CYP2B6: variants seen among roughly 807,000 people sequenced by gnomAD.
CYP2B6 encodes cytochrome P450 family 2 subfamily B member 6.
CYP2B6 carries 35 observed loss-of-function variants against 43.4 expected under a neutral mutation model. That is an observed-to-expected ratio of 0.81 (90% CI 0.62 to 1.07). The LOEUF is 1.07. CYP2B6 is among the 50% of genes least tolerant of loss of function. The probability of loss-of-function intolerance (pLI) is 0.00; values close to 1 mark genes in which losing one functional copy is unlikely to be tolerated. For synonymous variants in CYP2B6, 239 were observed against 239.2 expected (o/e 1.00, Z 0.01); for missense variants, 624 against 632.8 (o/e 0.99, Z 0.15).
chr19:40,994,207 G>A (rs185670000), intron 1 of CYP2B6, among the ~76,000 whole-genome samples: 1 of 152,216 alleles, frequency 6.6e-6, no homozygotes, highest in Non-Finnish European at 1.5e-5. Flanking sequence ...GGAGGTATTA[G>A]GAAACTCTCA....
At chr19:41,008,356 C>T (rs1362082048) in intron 4 of CYP2B6, among the ~76,000 whole-genome samples, 2 of 144,580 alleles carry the variant, frequency 1.4e-5, no homozygotes, top group Non-Finnish European at 3.0e-5. Flanking sequence ...GGACTATAGG[C>T]GAGCGCCACC....
chr19:41,005,052 CAA>C (rs1346017777), intron 3 of CYP2B6, among the ~76,000 whole-genome samples: 2 of 152,072 alleles, frequency 1.3e-5, no homozygotes, highest in Non-Finnish European at 2.9e-5. Flanking sequence ...TTGTGTCTGT[CAA>C]AGTCAAAAAC....
chr19:41,001,337 A>G (rs561460723), intron 1 of CYP2B6, among the ~76,000 whole-genome samples: 68 of 152,220 alleles, frequency 4.5e-4, no homozygotes, highest in Admixed American at 1.7e-3. Flanking sequence ...CCTTCCAAGG[A>G]TCCTCTAGGT....
chr19:41,016,399 CAAAAAAAAAAAAAAAAA>C (rs869180190), intron 8 of CYP2B6, among the ~76,000 whole-genome samples: 38 of 76,868 alleles, frequency 4.9e-4, no homozygotes, highest in East Asian at 1.1e-3. Flanking sequence ...GACTCCATCT[CAAAAAAAAAAAAAAAAA>C]AAAAAAAAAA....
At chr19:41,013,705 G>A (rs1262524408) in intron 8 of CYP2B6, among the ~76,000 whole-genome samples, 2 of 152,186 alleles carry the variant, frequency 1.3e-5, no homozygotes, top group Admixed American at 1.3e-4. Flanking sequence ...ACTTGTCCCA[G>A]TTCTCATCCT....
chr19:40,994,993 T>C (rs1373259704), intron 1 of CYP2B6, among the ~76,000 whole-genome samples: 3 of 152,108 alleles, frequency 2.0e-5, no homozygotes, highest in African/African-American at 4.8e-5. Context: ...TATTTCCTGA[T>C]TTTGGGGCGT....
chr19:40,993,326 A>T (rs951149832), intron 1 of CYP2B6, among the ~76,000 whole-genome samples: 3 of 152,164 alleles, frequency 2.0e-5, no homozygotes, highest in Admixed American at 6.5e-5. Context: ...AAAGGGATGT[A>T]ACTGACTCAC....
intron 6 of CYP2B6, among the ~76,000 whole-genome samples, chr19:41,010,538 C>G (rs35051166): frequency 6.6e-6 from 1 of 151,790 alleles, no homozygotes; most frequent in South Asian, 2.1e-4. Flanking sequence ...CTCAGCTTCC[C>G]GAGTAGCTGG....
At chr19:40,998,332 G>C (rs1969028486) in intron 1 of CYP2B6, among the ~76,000 whole-genome samples, 2 of 152,030 alleles carry the variant, frequency 1.3e-5, no homozygotes, top group South Asian at 4.1e-4. Flanking sequence ...AAGCTGGTAT[G>C]GTCATTGAAT....
In CYP2B6 at chr19:40,991,393, C is replaced by T. The variant is rs751598592; in HGVS notation, c.88C>T (p.Leu30Phe). The T allele has an allele frequency of 1.3e-5, 21 of 1,613,996 alleles. No individual in the cohort carries two copies. The highest frequency in any genetic ancestry group is 1.1e-4 in the African/African-American group (8 of 74,868). Reference protein sequence around the residue: ...VQRHPNTHDRLPPGPRPLPLL... With the variant: ...VQRHPNTHDRFPPGPRPLPLL... ...GCGCCACCCTAACACCCATGACCGC[C>T]TCCCACCAGGGCCCCGCCCTCTGCC... Residue 30 changes from leucine (L) to phenylalanine (F), a missense_variant, in exon 1 of 9, where the codon CTC becomes TTC. Leu to Phe is a conservative substitution (Grantham distance 22). Coordinates refer to ENST00000324071, the MANE Select transcript of CYP2B6 (RefSeq NM_000767.5).
At chr19:41,012,917 T>A in intron 8 of CYP2B6, 102 bp downstream of exon 8, 1 of 1,325,650 alleles carries the variant, frequency 7.5e-7, no homozygotes, top group South Asian at 1.2e-5. Flanking sequence ...GCACTTAATA[T>A]ATTCTGATTG....
chr19:41,006,568 C>T (rs1449145000), intron 3 of CYP2B6, among the ~76,000 whole-genome samples: 1 of 151,882 alleles, frequency 6.6e-6, no homozygotes, highest in African/African-American at 2.4e-5. Flanking sequence ...AGAGGAGGTG[C>T]AGAGTGAGAA....
intron 6 of CYP2B6, among the ~76,000 whole-genome samples, chr19:41,011,514 G>T (rs1969284358): frequency 6.6e-6 from 1 of 152,126 alleles, no homozygotes; most frequent in Non-Finnish European, 1.5e-5. Context: ...TTCCATCCAT[G>T]AATTGATCTA....
At chr19:41,010,301 C>A (rs1437998873) in intron 6 of CYP2B6, among the ~76,000 whole-genome samples, 166 bp downstream of exon 6, 1 of 152,136 alleles carries the variant, frequency 6.6e-6, no homozygotes, top group East Asian at 1.9e-4. Context: ...TTGGTGGATG[C>A]ATGGATGCAT....
rs3211377 is a variant in CYP2B6, at chr19:41,016,989, G to A, written c.*162G>A. 2 of 641,140 alleles carry A rather than the reference G, an allele frequency of 3.1e-6. No homozygotes were observed. The highest frequency in any genetic ancestry group is 5.4e-6 in the Non-Finnish European group (2 of 368,868). 39.7% of individuals were successfully genotyped at this position (641,140 alleles called of 1,614,324 possible). A position where few individuals can be genotyped will look rare whatever the true frequency, so the allele number is the denominator to read the frequency against. ...CCAGTTGTCTGAGGTCACATTGCAAGTGAGTGCAGGAGTGAGATTATCGAA... is the reference window on the plus strand; with the variant it reads ...CCAGTTGTCTGAGGTCACATTGCAAATGAGTGCAGGAGTGAGATTATCGAA... On this transcript the variant is annotated 3_prime_UTR_variant, in exon 9 of 9. Coordinates refer to ENST00000324071, the MANE Select transcript of CYP2B6 (RefSeq NM_000767.5).
intron 2 of CYP2B6, 37 bp downstream of exon 2, chr19:41,004,200 G>C (rs191133993): frequency 1.2e-6 from 2 of 1,601,604 alleles, no homozygotes; most frequent in Admixed American, 1.7e-5. Flanking sequence ...GGGCGGGTGG[G>C]GGGTGCATCA....
intron 4 of CYP2B6, among the ~76,000 whole-genome samples, chr19:41,008,617 A>G (rs540717444): frequency 6.6e-6 from 1 of 151,864 alleles, no homozygotes; most frequent in South Asian, 2.1e-4. Context: ...CGAGAACCAC[A>G]GAGAAAAGTC....
chr19:41,007,130 A>C, intron 4 of CYP2B6, 65 bp downstream of exon 4: 1 of 1,509,180 alleles, frequency 6.6e-7, no homozygotes, highest in Non-Finnish European at 9.2e-7. Context: ...ACACGAGAAA[A>C]GGATGACCTG....
At chr19:41,007,265 G>A in intron 4 of CYP2B6, 200 bp downstream of exon 4, 1 of 596,182 alleles carries the variant, frequency 1.7e-6, no homozygotes, top group Non-Finnish European at 3.0e-6. Context: ...GAGAGAGAAT[G>A]AGGCGTGATG....
Sources: gnomAD v4.1 joint callset for allele counts (sites outside exome capture counted in the v4.1 genomes callset) on GRCh38, gnomAD v4.1.1 for gene constraint, MANE v1.5 for transcripts, NCBI Gene and HGNC (gene_info 2026-07-23, HGNC 2026-07-21) for gene names.